The following PDLIM2 variants were observed in gnomAD, a reference collection of about 807,000 sequenced individuals.
The protein encoded by PDLIM2 is PDZ and LIM domain protein 2.
In PDLIM2, 51 loss-of-function variants were observed where a neutral mutation model predicts 54.1. The observed-to-expected ratio is 0.94, with a 90% CI of 0.75 to 1.19. The LOEUF is 1.19. Among genes scored for constraint, PDLIM2 ranks in the 50% most tolerant of loss-of-function variants. The probability of loss-of-function intolerance (pLI) is 0.00; values close to 1 mark genes in which losing one functional copy is unlikely to be tolerated. For synonymous variants in PDLIM2, 398 were observed against 385.6 expected, an observed-to-expected ratio of 1.03 and a Z score of -0.38; for missense variants, 912 against 874.0, an observed-to-expected ratio of 1.04 and a Z score of -0.55.
At chr8:22,589,032 C>A in intron 6 of PDLIM2, 1 of 569,500 alleles carries the variant, frequency 1.8e-6, no homozygotes, top group Non-Finnish European at 3.1e-6. Flanking sequence ...GCCCGGTCCC[C>A]GGCAGAACCC....
intron 6 of PDLIM2, 81 bp from the exon 6 acceptor site, chr8:22,589,217 G>C: frequency 6.8e-7 from 1 of 1,464,290 alleles, no homozygotes. Flanking sequence ...TCGGGCCTGG[G>C]AACAGCCGGG....
chr8:22,594,718 G>A (rs758971107), downstream of PDLIM2: 27 of 1,538,358 alleles, frequency 1.8e-5, no homozygotes, highest in African/African-American at 5.5e-5. Flanking sequence ...TTGATCTACC[G>A]ACACCTTCCA....
rs1800117619 is a variant in PDLIM2, at chr8:22,579,195, C to T, written c.416C>T (p.Ala139Val). ...GCCTTCCCTCCCTCCCGGGCCTGGGCGCCCAGCCGGACAGGTGAGCGGCAG... is the reference window on the plus strand; with the variant it reads ...GCCTTCCCTCCCTCCCGGGCCTGGGTGCCCAGCCGGACAGGTGAGCGGCAG... Residue 139 changes from alanine (A) to valine (V), a missense_variant, in exon 1 of 10, where the codon GCG becomes GTG. Transcript: ENST00000308354. 2.2e-6 allele frequency: 3 copies of T among 1,384,508 alleles called. No homozygotes were observed. The highest frequency in any genetic ancestry group is 3.3e-5 in the South Asian group (2 of 61,062). 85.8% of individuals were successfully genotyped at this position (1,384,508 alleles called of 1,614,324 possible).
chr8:22,582,187 G>T (rs1314542419), intron 3 of PDLIM2, among the ~76,000 whole-genome samples: 1 of 152,214 alleles, frequency 6.6e-6, no homozygotes, highest in African/African-American at 2.4e-5. Context: ...AGCCAGGAGA[G>T]CCCTCTGCAC....
chr8:22,586,539 C>T (rs906319911), intron 6 of PDLIM2, among the ~76,000 whole-genome samples: 5 of 151,726 alleles, frequency 3.3e-5, no homozygotes, highest in South Asian at 2.1e-4. Flanking sequence ...GCAGGAGGCC[C>T]GACATGCTGG....
intron 7 of PDLIM2, 44 bp from the exon 7 acceptor site, chr8:22,589,552 C>A: frequency 6.3e-7 from 1 of 1,578,806 alleles, no homozygotes; most frequent in South Asian, 1.2e-5. Flanking sequence ...CTTGCCTAAG[C>A]TCCGGCACGG....
At chr8:22,586,585 G>A (rs1800388523) in intron 6 of PDLIM2, among the ~76,000 whole-genome samples, 1 of 152,048 alleles carries the variant, frequency 6.6e-6, no homozygotes, top group Non-Finnish European at 1.5e-5. Flanking sequence ...GACGGCTGAT[G>A]TATTGGGGCT....
chr8:22,588,609 G>T (rs1217140657), intron 6 of PDLIM2: 1 of 152,382 alleles, frequency 6.6e-6, no homozygotes, highest in Non-Finnish European at 1.5e-5. Context: ...AGATTTCCAT[G>T]TTGGGAGCAA....
At chr8:22,585,293 G>GCACA (rs1192836836) in intron 5 of PDLIM2, 28 bp from the exon 5 acceptor site, 3 of 1,611,722 alleles carry the variant, frequency 1.9e-6, no homozygotes, top group Non-Finnish European at 2.5e-6. Flanking sequence ...GGTGGCCCTG[G>GCACA]CACACACTGT....
Position 22,591,762 on chromosome 8 carries a change from CA to C in PDLIM2, c.1631+95del. On this transcript the variant is annotated intron_variant, in intron 9 of 9. Coordinates refer to ENST00000308354, the Ensembl canonical transcript of PDLIM2. ...TGCTTTCAGGAAGGGCCGGGCCCAT[CA>C]GGGGCTAGCACTGGGTACCCAGTCG... is the stretch of plus-strand genomic sequence containing the variant. 5.1e-6 allele frequency: 6 copies of C among 1,179,458 alleles called. No individual in the cohort carries two copies. In the South Asian group the frequency reaches 9.1e-5, roughly 18 times the overall value. 73.1% of individuals were successfully genotyped at this position (1,179,458 alleles called of 1,614,324 possible).
chr8:22,584,768 G>A (rs1800321193), intron 3 of PDLIM2, 53 bp from the exon 3 acceptor site: 4 of 1,575,322 alleles, frequency 2.5e-6, no homozygotes, highest in Admixed American at 1.7e-5. Context: ...CTCTTTTGGG[G>A]GTTGCAGGGT....
rs200047060 is a variant in PDLIM2, at chr8:22,588,941, G to A, written c.1291-357G>A. ...TCCGTGGGATCGGAGCCAGGCCCCA[G>A]TGTGCAATGTCTTTGCACACAGATA... is the stretch of plus-strand genomic sequence containing the variant. On this transcript the variant is annotated intron_variant, in intron 6 of 9. Transcript: ENST00000308354. The A allele has an allele frequency of 1.9e-5, 7 of 360,186 alleles. 1 individual carries two copies. The East Asian group carries it at 4.4e-4, about 22-fold the overall frequency. 22.3% of individuals were successfully genotyped at this position (360,186 alleles called of 1,614,324 possible).
At chr8:22,588,169 A>G (rs1800433091) in intron 6 of PDLIM2, 1 of 152,308 alleles carries the variant, frequency 6.6e-6, no homozygotes, top group Non-Finnish European at 1.5e-5. Flanking sequence ...TGGACCAGCT[A>G]CTTTGCCCTT....
exon 9 of PDLIM2, chr8:22,591,557 C>T (rs368145484): frequency 1.9e-5 from 30 of 1,613,450 alleles, no homozygotes; most frequent in Non-Finnish European, 2.2e-5. Flanking sequence ...CCAGGTGGCA[C>T]GCCAGCCTTC....
chr8:22,580,276 TC>T (rs1481607334), intron 1 of PDLIM2, 198 bp from the exon 1 acceptor site: 4 of 392,494 alleles, frequency 1.0e-5, no homozygotes. Flanking sequence ...GGTGCTGGCA[TC>T]CCCTCCACTT....
At chr8:22,585,502 A>C in intron 6 of PDLIM2, 103 bp downstream of exon 5, 1 of 1,153,096 alleles carries the variant, frequency 8.7e-7, no homozygotes, top group East Asian at 2.6e-5. Context: ...CCACCTGGGC[A>C]GCCATGGCCT....
exon 9 of PDLIM2, chr8:22,591,633 G>T: frequency 1.2e-6 from 2 of 1,613,244 alleles, no homozygotes; most frequent in Non-Finnish European, 1.7e-6. Flanking sequence ...CCCCTCCCAA[G>T]CTCCACACTT....
At chr8:22,586,062 G>C (rs1586923819) in intron 6 of PDLIM2, among the ~76,000 whole-genome samples, 1 of 152,306 alleles carries the variant, frequency 6.6e-6, no homozygotes, top group African/African-American at 2.4e-5. Flanking sequence ...CTGGGCCGCA[G>C]CTGCTGGGGA....
chr8:22,592,077 C>CT (rs60908593), intron 9 of PDLIM2: 2,446 of 95,212 alleles, frequency 0.026, 153 homozygotes, highest in African/African-American at 0.059. Context: ...TCTTTCTTTT[C>CT]TTTTTTTTTT....
Sources: gnomAD v4.1 joint callset for allele counts (sites outside exome capture counted in the v4.1 genomes callset) on GRCh38, gnomAD v4.1.1 for gene constraint, MANE v1.5 for transcripts, NCBI Gene and HGNC (gene_info 2026-07-23, HGNC 2026-07-21) for gene names.